Variants in GRIK1 observed in about 807,000 individuals in gnomAD.
The protein encoded by GRIK1 is glutamate ionotropic receptor kainate type subunit 1, also known as glutamate receptor ionotropic, kainate 1.
GRIK1 carries 69 observed loss-of-function variants against 105.7 expected under a neutral mutation model. That is an observed-to-expected ratio of 0.65 (90% CI 0.54 to 0.80). The LOEUF (loss-of-function observed/expected upper bound fraction) is 0.80, where lower values mean the gene tolerates loss of function less well. GRIK1 is among the 30% of genes least tolerant of loss of function. GRIK1 has a pLI of 0.00. For missense variants in GRIK1, 1,109 were observed against 1,167.3 expected (o/e 0.95, Z 0.73); for synonymous variants, 438 against 431.3 (o/e 1.02, Z -0.19).
Position 29,587,417 on chromosome 21 carries a change from T to C in GRIK1, c.1742A>G (p.Tyr581Cys), listed in dbSNP as rs1568852282. Reference protein sequence around the residue: ...LNPLSPDIWMYVLLACLGVSC... With the variant: ...LNPLSPDIWMCVLLACLGVSC... ...GACTCCCAAGCAGGCTAAGAGCACA[T>C]ACATCCAAATATCTGGAGACAGGGG... is the stretch of plus-strand genomic sequence containing the variant. Residue 581 changes from tyrosine to cysteine, a missense_variant, in exon 12 of 18, where the codon TAT becomes TGT. By Grantham distance (194) the Tyr-to-Cys change is radical (BLOSUM62 -2). This residue lies in a region of GRIK1 where 264 missense variants were observed against 306.9 expected (regional missense o/e 0.86). Transcript: ENST00000327783. 1 of 1,613,870 alleles carries C rather than the reference T, an allele frequency of 6.2e-7. No individual in the cohort carries two copies. The highest frequency in any genetic ancestry group is 8.5e-7 in the Non-Finnish European group (1 of 1,179,834).
intron 1 of GRIK1, among the ~76,000 whole-genome samples, chr21:29,704,332 T>A (rs1029954743): frequency 6.6e-6 from 1 of 152,216 alleles, no homozygotes; most frequent in Non-Finnish European, 1.5e-5. Flanking sequence ...AAAAGCCTGC[T>A]TTTTGTCTCC....
chr21:29,937,105 C>T (rs1017938842), intron 1 of GRIK1, among the ~76,000 whole-genome samples: 1 of 152,174 alleles, frequency 6.6e-6, no homozygotes, highest in Non-Finnish European at 1.5e-5. Context: ...CATACACACA[C>T]ACATAAACTT....
intron 1 of GRIK1, among the ~76,000 whole-genome samples, chr21:29,858,504 C>T (rs2068534008): frequency 6.6e-6 from 1 of 152,236 alleles, no homozygotes; most frequent in East Asian, 1.9e-4. Context: ...TATGGGGACC[C>T]AGGTATTTCT....
chr21:29,857,371 T>C (rs2068494885), intron 1 of GRIK1, among the ~76,000 whole-genome samples: 1 of 152,208 alleles, frequency 6.6e-6, no homozygotes. Flanking sequence ...TCCCTTGCAG[T>C]CTGGCGAGAA....
At chr21:29,540,884 G>T (rs918934030) in intron 16 of GRIK1, among the ~76,000 whole-genome samples, 1 of 152,080 alleles carries the variant, frequency 6.6e-6, no homozygotes, top group Non-Finnish European at 1.5e-5. Flanking sequence ...TTTGCATACT[G>T]GAAAGTCCTC....
chr21:29,894,029 G>C (rs1055771571), intron 1 of GRIK1, among the ~76,000 whole-genome samples: 1 of 152,122 alleles, frequency 6.6e-6, no homozygotes, highest in Non-Finnish European at 1.5e-5. Flanking sequence ...GTCGGTGGTT[G>C]TTTTGTACCG....
In GRIK1 at chr21:29,916,842, C is replaced by G. The variant is rs187739007; in HGVS notation, c.118+22541G>C. Reference sequence around the variant, plus strand: ...AGATATAATTGCAGGCAGTTGCATACTAAAAGGAGGATAACACTTCTGTAT... The same window carrying G: ...AGATATAATTGCAGGCAGTTGCATAGTAAAAGGAGGATAACACTTCTGTAT... On this transcript the variant is annotated intron_variant, in intron 1 of 17. Coordinates refer to ENST00000327783, the MANE Select transcript of GRIK1 (RefSeq NM_001330994.2). Among the ~76,000 whole-genome samples the G allele has an allele frequency of 4.0e-3, 614 of 152,004 alleles. 4 individuals are homozygous for G. Among genetic ancestry groups the G allele is most frequent in the Non-Finnish European group, 6.7e-3 (455 of 67,870 alleles).
At chr21:29,902,972 A>C (rs2070464719) in intron 1 of GRIK1, among the ~76,000 whole-genome samples, 1 of 152,206 alleles carries the variant, frequency 6.6e-6, no homozygotes, top group South Asian at 2.1e-4. Flanking sequence ...CTCAGAAATA[A>C]CACCACACAT....
chr21:29,551,973 C>A (rs952513583), intron 16 of GRIK1, among the ~76,000 whole-genome samples: 27 of 152,108 alleles, frequency 1.8e-4, no homozygotes, highest in African/African-American at 6.3e-4. Flanking sequence ...AATAATAAAA[C>A]AATGTTAGTG....
Position 29,697,706 on chromosome 21 carries a change from C to T in GRIK1, c.119-3643G>A, listed in dbSNP as rs148657595. Among the ~76,000 whole-genome samples, 191 of 152,196 alleles carry T rather than the reference C, an allele frequency of 1.3e-3. 1 individual carries two copies. Among genetic ancestry groups the T allele is most frequent in the Non-Finnish European group, 2.4e-3 (160 of 67,994 alleles). On this transcript the variant is annotated intron_variant, in intron 1 of 17. Coordinates refer to ENST00000327783, the MANE Select transcript of GRIK1 (RefSeq NM_001330994.2). ...CCTCACATGTGGGCAGACTGTTTAACGATCAGCCACTTCCTCCCTCCTTCT... is the reference window on the plus strand; with the variant it reads ...CCTCACATGTGGGCAGACTGTTTAATGATCAGCCACTTCCTCCCTCCTTCT...
chr21:29,658,121 ATTT>A (rs968776287), intron 4 of GRIK1, among the ~76,000 whole-genome samples: 1 of 148,412 alleles, frequency 6.7e-6, no homozygotes, highest in African/African-American at 2.5e-5. Flanking sequence ...GTCACAATTA[ATTT>A]TTTTTTTTGG....
intron 3 of GRIK1, among the ~76,000 whole-genome samples, chr21:29,678,327 C>T (rs1389986111): frequency 6.6e-6 from 1 of 152,164 alleles, no homozygotes; most frequent in African/African-American, 2.4e-5. Context: ...AAGTGCAGAT[C>T]TTCATACATA....
chr21:29,868,363 G>A (rs1222807669), intron 1 of GRIK1, among the ~76,000 whole-genome samples: 1 of 152,146 alleles, frequency 6.6e-6, no homozygotes, highest in Non-Finnish European at 1.5e-5. Flanking sequence ...CTTAGAAACT[G>A]TCATTTAAAA....
chr21:29,654,872 G>A lies in GRIK1; in HGVS notation c.727-9C>T. ...ATGCCCATGAACAGAATCTGCAAAA[G>A]AGAAATAAGGGGAAAGAATCAGGAA... On this transcript the variant is annotated splice_polypyrimidine_tract_variant and intron_variant, in intron 4 of 17. Transcript: ENST00000327783. 6.6e-7 allele frequency: 1 copy of A among 1,522,758 alleles called. No homozygotes were observed. Among genetic ancestry groups the A allele is most frequent in the South Asian group, 1.1e-5 (1 of 89,220 alleles). The allele number at this position is 1,522,758 out of a possible 1,614,324, so 94.3% of individuals were successfully genotyped here.
chr21:29,905,013 C>T (rs2070558695), intron 1 of GRIK1, among the ~76,000 whole-genome samples: 1 of 152,196 alleles, frequency 6.6e-6, no homozygotes, highest in African/African-American at 2.4e-5. Flanking sequence ...GAGGTCCTCT[C>T]TGAGCCTCCG....
chr21:29,816,981 A>C (rs1377019701), intron 1 of GRIK1, among the ~76,000 whole-genome samples: 1 of 152,182 alleles, frequency 6.6e-6, no homozygotes, highest in Admixed American at 6.6e-5. Context: ...TGTGATAGAT[A>C]TTCTAAATAT....
At chr21:29,738,190 AATTTTGCTGATAGTG>A (rs1320521640) in intron 1 of GRIK1, among the ~76,000 whole-genome samples, 2 of 152,242 alleles carry the variant, frequency 1.3e-5, no homozygotes, top group Non-Finnish European at 2.9e-5. Flanking sequence ...CCACTTGGGA[AATTTTGCTGATAGTG>A]ACTCACTTGT....
intron 1 of GRIK1, among the ~76,000 whole-genome samples, chr21:29,804,432 A>G (rs2066802253): frequency 6.6e-6 from 1 of 152,042 alleles, no homozygotes; most frequent in Admixed American, 6.6e-5. Context: ...AGCATGGTCC[A>G]TTTTCAACTC....
In GRIK1 at chr21:29,708,083, G is replaced by C. The variant is rs192561961; in HGVS notation, c.119-14020C>G. Among the ~76,000 whole-genome samples the C allele has an allele frequency of 2.2e-4, 33 of 152,278 alleles. No individual in the cohort carries two copies. The South Asian group carries it at 3.3e-3, about 15-fold the overall frequency. Reference sequence around the variant, plus strand: ...GCTACAGGGACCTGCAGAAGTGAAGGCTGAGCAATTTATATGTGCATCCAT... The same window carrying C: ...GCTACAGGGACCTGCAGAAGTGAAGCCTGAGCAATTTATATGTGCATCCAT... On this transcript the variant is annotated intron_variant, in intron 1 of 17. Coordinates refer to ENST00000327783, the MANE Select transcript of GRIK1 (RefSeq NM_001330994.2).
Sources: allele counts gnomAD v4.1 joint callset (sites outside exome capture counted in the v4.1 genomes callset), GRCh38; gene constraint gnomAD v4.1.1; regional missense constraint gnomAD v4.1.1; transcripts MANE v1.5; gene names NCBI Gene and HGNC (gene_info 2026-07-23, HGNC 2026-07-21).